Variants in SERINC2 observed in about 807,000 individuals in gnomAD.
The protein encoded by SERINC2 is serine incorporator 2.
A neutral mutation model predicts 54.2 loss-of-function variants in SERINC2; 56 were observed. The observed-to-expected ratio is 1.03, with a 90% CI of 0.83 to 1.29. The LOEUF is 1.29. Ranked by LOEUF, SERINC2 falls within the 50% of genes most tolerant of loss-of-function variation. The probability of loss-of-function intolerance (pLI) is 0.00; values close to 1 mark genes in which losing one functional copy is unlikely to be tolerated. For synonymous variants in SERINC2, 272 were observed against 253.1 expected, an observed-to-expected ratio of 1.07 and a Z score of -0.71; for missense variants, 614 against 607.4, an observed-to-expected ratio of 1.01 and a Z score of -0.12.
Position 31,413,219 on chromosome 1 carries a change from C to T in SERINC2, c.-47C>T. 6 of 1,105,086 alleles carry T rather than the reference C, an allele frequency of 5.4e-6. No homozygotes were observed. Among genetic ancestry groups the T allele is most frequent in the Non-Finnish European group, 6.6e-6 (6 of 910,188 alleles). 68.5% of individuals were successfully genotyped at this position (1,105,086 alleles called of 1,614,324 possible). A position where few individuals can be genotyped will look rare whatever the true frequency, so the allele number is the denominator to read the frequency against. ...GGCCCGGCACCCGGATCCCGAGGTC[C>T]GCGCCCCGCGCCCGGCGCCGGGCGC... On this transcript the variant is annotated 5_prime_UTR_variant, in exon 1 of 10. Transcript: ENST00000373709. This position sits in a 1 kb window ranked among gnomAD's most constrained non-coding sequence, Gnocchi z 5.0.
chr1:31,428,982 C>A lies in SERINC2; in HGVS notation c.785C>A (p.Ala262Asp), dbSNP rs1201852915. ...TACCAGGGGTCCTCTTGCCAGGACG[C>A]CCAGCCCAACTCGGGTCTGCTGCAG... ...IAAVLPKVQD[A>D]QPNSGLLQAS... The change falls in exon 7 of 10, where the codon GCC (alanine) becomes GAC (aspartate). Residue 262 changes from alanine (A) to aspartate (D), a missense_variant. Physicochemically the swap from Ala to Asp is moderately radical, Grantham distance 126. Coordinates refer to ENST00000373709, the MANE Select transcript of SERINC2 (RefSeq NM_178865.5). The A allele has an allele frequency of 3.1e-6, 5 of 1,613,642 alleles. No homozygotes were observed. Among genetic ancestry groups the A allele is most frequent in the Non-Finnish European group, 4.2e-6 (5 of 1,179,870 alleles).
intron 8 of SERINC2, among the ~76,000 whole-genome samples, chr1:31,431,707 A>T: frequency 6.6e-6 from 1 of 152,136 alleles, no homozygotes; most frequent in Non-Finnish European, 1.5e-5. Context: ...GGACCACCCA[A>T]TCTGGGCTCC....
intron 1 of SERINC2, chr1:31,416,035 T>A: frequency 2.4e-6 from 1 of 419,314 alleles, no homozygotes; most frequent in Non-Finnish European, 3.2e-6. Flanking sequence ...TCCTAGGGAG[T>A]GTGAAAGGCC....
In SERINC2 at chr1:31,434,132, C is replaced by T. The variant is rs1553135325; in HGVS notation, c.1301C>T (p.Ala434Val). ...TGGGTGAAGATCTGTGCCAGCTGGG[C>T]AGGGCTGCTCCTCTACCTGTGGACC... ...AVWVKICASWAGLLLYLWTLV... is the reference protein window; with the variant it reads ...AVWVKICASWVGLLLYLWTLV... The change falls in exon 10 of 10, where the codon GCA becomes GTA. Residue 434 changes from alanine (A) to valine (V), a missense_variant. Coordinates refer to ENST00000373709, the MANE Select transcript of SERINC2 (RefSeq NM_178865.5). 6.2e-7 allele frequency: 1 copy of T among 1,613,954 alleles called. No homozygotes were observed. The highest frequency in any genetic ancestry group is 1.7e-5 in the Admixed American group (1 of 60,004).
At chr1:31,422,312 C>CA (rs1640922231) in intron 1 of SERINC2, among the ~76,000 whole-genome samples, 1 of 130,036 alleles carries the variant, frequency 7.7e-6, no homozygotes, top group Non-Finnish European at 1.7e-5. Flanking sequence ...AAAAAAAAAA[C>CA]AAAAAAAGAA....
intron 6 of SERINC2, among the ~76,000 whole-genome samples, chr1:31,427,824 C>CTTTTTTTTT (rs71035099): frequency 1.3e-5 from 1 of 76,576 alleles, no homozygotes; most frequent in African/African-American, 4.1e-5. Context: ...TTCTTTCTTT[C>CTTTTTTTTT]TTTTTTTTTT....
intron 3 of SERINC2, among the ~76,000 whole-genome samples, 192 bp from the exon 4 acceptor site, chr1:31,425,138 C>T (rs1641004229): frequency 6.6e-6 from 1 of 152,152 alleles, no homozygotes; most frequent in Admixed American, 6.5e-5. Context: ...CTTGGTCCTT[C>T]CTCCTGCCCC....
At chr1:31,432,174 T>TAGGATGGTCAGGGTGGAC (rs1641307113) in intron 8 of SERINC2, among the ~76,000 whole-genome samples, 2 of 24,386 alleles carry the variant, frequency 8.2e-5, no homozygotes, top group South Asian at 1.5e-3. Flanking sequence ...ATAGGGTGGA[T>TAGGATGGTCAGGGTGGAC]AGGGTGGATA....
intron 1 of SERINC2, chr1:31,414,777 G>T: frequency 1.0e-6 from 1 of 985,504 alleles, no homozygotes; most frequent in Non-Finnish European, 1.2e-6. Flanking sequence ...GGTTGCACCT[G>T]GTGAGGCACA....
At chr1:31,428,696 G>A (rs1416516154) in intron 6 of SERINC2, among the ~76,000 whole-genome samples, 3 of 152,152 alleles carry the variant, frequency 2.0e-5, no homozygotes, top group Non-Finnish European at 4.4e-5. Flanking sequence ...GGGGGACAGT[G>A]GGCCAGGTGG....
chr1:31,428,286 C>T (rs2377852), intron 6 of SERINC2, among the ~76,000 whole-genome samples: 20,854 of 151,912 alleles, frequency 0.14, 1,643 homozygotes, highest in East Asian at 0.23. Flanking sequence ...ACCATCTGCC[C>T]GCCTCAGCCT....
chr1:31,410,348 G>C, upstream of SERINC2: 1 of 1,548,450 alleles, frequency 6.5e-7, no homozygotes, highest in Non-Finnish European at 8.7e-7. Context: ...AGTCCCCTCA[G>C]ATAGCTGGGG....
chr1:31,412,668 C>T (rs1400949689), upstream of SERINC2, among the ~76,000 whole-genome samples: 2 of 152,160 alleles, frequency 1.3e-5, no homozygotes, highest in Admixed American at 6.5e-5. Flanking sequence ...GACCCTGTCT[C>T]TTAAAAAGGA....
intron 1 of SERINC2, among the ~76,000 whole-genome samples, chr1:31,419,958 G>A (rs1324111992): frequency 2.0e-5 from 3 of 152,190 alleles, no homozygotes; most frequent in African/African-American, 7.2e-5. Context: ...GCAGTGAGCC[G>A]AGATGGTACC....
upstream of SERINC2, among the ~76,000 whole-genome samples, chr1:31,412,664 G>A (rs191208000): frequency 6.6e-6 from 1 of 152,292 alleles, no homozygotes; most frequent in Admixed American, 6.5e-5. Context: ...GCAAGACCCT[G>A]TCTCTTAAAA....
Position 31,433,135 on chromosome 1 carries a change from C to T in SERINC2, c.1182C>T (p.Cys394=). ...ACAGCTACTCCTTCTTCCACTTCTG[C>T]CTGGTGCTGGCCTCACTGCACGTCA... ...VTYSYSFFHF[C]LVLASLHVMM... is the part of the protein sequence containing the mutation. Residue 394 remains cysteine (C), a synonymous_variant, in exon 9 of 10, where the codon TGC becomes TGT. Coordinates refer to ENST00000373709, the MANE Select transcript of SERINC2 (RefSeq NM_178865.5). 6.2e-7 allele frequency: 1 copy of T among 1,613,808 alleles called. No individual in the cohort carries two copies. Among genetic ancestry groups the T allele is most frequent in the Non-Finnish European group, 8.5e-7 (1 of 1,180,016 alleles).
In SERINC2 at chr1:31,434,617, G is replaced by T; in HGVS notation, c.*418G>T. ...CCCCAGGGGACCCTGCCCACTTCCTGGACTTCGTGCCTTACTGAGTCTCTA... is the reference window on the plus strand; with the variant it reads ...CCCCAGGGGACCCTGCCCACTTCCTTGACTTCGTGCCTTACTGAGTCTCTA... On this transcript the variant is annotated 3_prime_UTR_variant, in exon 10 of 10. Coordinates refer to ENST00000373709, the MANE Select transcript of SERINC2 (RefSeq NM_178865.5). The T allele has an allele frequency of 4.8e-6, 1 of 209,650 alleles. No individual in the cohort carries two copies. The highest frequency in any genetic ancestry group is 9.7e-6 in the Non-Finnish European group (1 of 103,326). 13.0% of individuals were successfully genotyped at this position (209,650 alleles called of 1,614,324 possible).
chr1:31,415,989 T>C (rs10737357), intron 1 of SERINC2: 373,888 of 842,684 alleles, frequency 0.44, 84,777 homozygotes, highest in East Asian at 0.79. Flanking sequence ...CATGATGACT[T>C]GGCTGTCTGC....
Position 31,413,748 on chromosome 1 carries a change from G to A in SERINC2, c.39+444G>A. On this transcript the variant is annotated intron_variant, in intron 1 of 9. Transcript: ENST00000373709. The surrounding 1 kb of genome is among the most constrained non-coding windows in gnomAD (Gnocchi z 5.0). ...CCCCGTCCCTCCTGGCGAGTGCCCTGCCCTACCCCTCTGGCCGCCTGCCAG... is the reference window on the plus strand; with the variant it reads ...CCCCGTCCCTCCTGGCGAGTGCCCTACCCTACCCCTCTGGCCGCCTGCCAG... 4 of 1,373,288 alleles carry A rather than the reference G, an allele frequency of 2.9e-6. No individual in the cohort carries two copies. The South Asian group carries it at 6.7e-5, about 23-fold the overall frequency. 85.1% of individuals were successfully genotyped at this position (1,373,288 alleles called of 1,614,324 possible).
Sources: gnomAD v4.1 joint callset for allele counts (sites outside exome capture counted in the v4.1 genomes callset) on GRCh38, gnomAD v4.1.1 for gene constraint, Gnocchi (gnomAD v3.1) non-coding constraint, MANE v1.5 for transcripts, NCBI Gene and HGNC (gene_info 2026-07-23, HGNC 2026-07-21) for gene names.